MUC7: variants seen among roughly 807,000 people sequenced by gnomAD.
MUC7 encodes the protein mucin 7, secreted.
In MUC7, 2 loss-of-function variants were observed where a neutral mutation model predicts 2.5. That is an observed-to-expected ratio of 0.81 (90% CI 0.33 to 2.55). The LOEUF is 2.55. MUC7 is among the 30% of genes most tolerant of loss of function. The pLI is 0.11. For missense variants in MUC7, 408 were observed against 455.6 expected (o/e 0.90, Z 0.95); for synonymous variants, 133 against 173.4 (o/e 0.77, Z 1.83).
intron 1 of MUC7, among the ~76,000 whole-genome samples, chr4:70,460,985 G>A (rs1180671326): frequency 6.6e-6 from 1 of 152,208 alleles, no homozygotes; most frequent in Non-Finnish European, 1.5e-5. Flanking sequence ...CATGTGGGTA[G>A]AGGATCTCTC....
chr4:70,457,318 T>C (rs1206910683), intron 1 of MUC7, among the ~76,000 whole-genome samples: 1 of 152,056 alleles, frequency 6.6e-6, no homozygotes. Context: ...TGATGGTGCA[T>C]GACTGTAGTT....
intron 2 of MUC7, among the ~76,000 whole-genome samples, chr4:70,479,992 G>A (rs557208107): frequency 1.3e-5 from 2 of 152,284 alleles, no homozygotes; most frequent in East Asian, 3.9e-4. Context: ...GCATAGACTA[G>A]AAAGCCTTTC....
chr4:70,472,464 G>A (rs574420227), intron 1 of MUC7, among the ~76,000 whole-genome samples, 173 bp downstream of exon 1: 64 of 152,232 alleles, frequency 4.2e-4, no homozygotes, highest in African/African-American at 1.5e-3. Flanking sequence ...CAATATGATT[G>A]GTAGGAATGT....
At chr4:70,442,819 A>G (rs1734041238) in intron 1 of MUC7, among the ~76,000 whole-genome samples, 1 of 152,190 alleles carries the variant, frequency 6.6e-6, no homozygotes, top group African/African-American at 2.4e-5. Context: ...TAAGCCAAAA[A>G]CTAGACTATT....
At chr4:70,478,190 T>G (rs1158586950) in intron 2 of MUC7, among the ~76,000 whole-genome samples, 1 of 152,234 alleles carries the variant, frequency 6.6e-6, no homozygotes, top group Non-Finnish European at 1.5e-5. Context: ...GGTATTATTT[T>G]GGTCACCTAA....
chr4:70,465,546 G>A (rs1266996205), intron 1 of MUC7, among the ~76,000 whole-genome samples: 1 of 152,074 alleles, frequency 6.6e-6, no homozygotes, highest in African/African-American at 2.4e-5. Context: ...GTTTAGAGAA[G>A]ACCATAATGA....
chr4:70,471,176 A>G (rs906893083), upstream of MUC7, among the ~76,000 whole-genome samples: 4 of 152,194 alleles, frequency 2.6e-5, no homozygotes, highest in Non-Finnish European at 5.9e-5. Context: ...AATTTTGAAG[A>G]TCTCTATTAA....
At chr4:70,476,648 G>A (rs913328962) in intron 2 of MUC7, among the ~76,000 whole-genome samples, 8 of 152,104 alleles carry the variant, frequency 5.3e-5, no homozygotes, top group African/African-American at 1.2e-4. Context: ...TTAGCTGGGC[G>A]TGGTGGCCCA....
At chr4:70,471,603 C>G (rs1219787590), upstream of MUC7, among the ~76,000 whole-genome samples, 1 of 152,002 alleles carries the variant, frequency 6.6e-6, no homozygotes, top group African/African-American at 2.4e-5. Context: ...ATTATGAAAA[C>G]CAGGGAATGA....
chr4:70,437,002 C>G (rs1190204920), intron 1 of MUC7, among the ~76,000 whole-genome samples: 1 of 152,078 alleles, frequency 6.6e-6, no homozygotes, highest in Non-Finnish European at 1.5e-5. Context: ...TACTCCAGAC[C>G]CTGTTTGCTG....
intron 2 of MUC7, among the ~76,000 whole-genome samples, chr4:70,477,101 T>C (rs1001618356): frequency 3.9e-5 from 6 of 152,196 alleles, no homozygotes; most frequent in African/African-American, 1.4e-4. Flanking sequence ...GAATTGTGCT[T>C]TCTAATTTCA....
intron 1 of MUC7, among the ~76,000 whole-genome samples, chr4:70,446,123 C>T (rs983459240): frequency 2.0e-5 from 3 of 152,284 alleles, no homozygotes; most frequent in South Asian, 2.1e-4. Flanking sequence ...CTTTTGAATA[C>T]AGATCCAGGC....
intron 1 of MUC7, among the ~76,000 whole-genome samples, chr4:70,449,422 CT>C (rs1307224084): frequency 2.0e-5 from 3 of 152,064 alleles, no homozygotes; most frequent in Non-Finnish European, 4.4e-5. Flanking sequence ...GACTTATTCA[CT>C]ATCATGAGAA....
chr4:70,445,110 A>G (rs56036518), intron 1 of MUC7, among the ~76,000 whole-genome samples: 14,457 of 152,142 alleles, frequency 0.095, 884 homozygotes, highest in African/African-American at 0.17. Flanking sequence ...ACGAACTTTC[A>G]TTCCCTCAAC....
chr4:70,453,084 C>G (rs2109717130), intron 1 of MUC7, among the ~76,000 whole-genome samples: 1 of 152,346 alleles, frequency 6.6e-6, no homozygotes, highest in East Asian at 1.9e-4. Flanking sequence ...ACTGTATGCA[C>G]AGCACTGGAT....
intron 1 of MUC7, among the ~76,000 whole-genome samples, chr4:70,441,527 T>C (rs1734005302): frequency 6.6e-6 from 1 of 152,214 alleles, no homozygotes. Flanking sequence ...GGAGAGGTTT[T>C]AATAAAAACT....
At chr4:70,472,937 T>G (rs1467901474) in intron 1 of MUC7, among the ~76,000 whole-genome samples, 4 of 152,206 alleles carry the variant, frequency 2.6e-5, no homozygotes, top group Admixed American at 1.3e-4. Context: ...TAAGCTGACA[T>G]GTACACATTA....
At chr4:70,459,332 A>G (rs886687328) in intron 1 of MUC7, among the ~76,000 whole-genome samples, 3 of 152,178 alleles carry the variant, frequency 2.0e-5, no homozygotes, top group Non-Finnish European at 4.4e-5. Context: ...TCACAAGGAC[A>G]AAAAACCAAA....
chr4:70,451,812 T>C (rs923524756), intron 1 of MUC7, among the ~76,000 whole-genome samples: 2 of 152,230 alleles, frequency 1.3e-5, no homozygotes, highest in Admixed American at 6.5e-5. Flanking sequence ...CTGATGTTTC[T>C]TTGTTGATTT....
Sources: gnomAD v4.1 joint callset for allele counts (sites outside exome capture counted in the v4.1 genomes callset) on GRCh38, gnomAD v4.1.1 for gene constraint, MANE v1.5 for transcripts, NCBI Gene and HGNC (gene_info 2026-07-23, HGNC 2026-07-21) for gene names.